RBM20: variants seen among roughly 807,000 people sequenced by gnomAD.
RBM20 encodes the protein RNA binding motif protein 20.
RBM20 carries 51 observed loss-of-function variants against 110.1 expected under a neutral mutation model. The ratio of observed to expected loss-of-function variants is 0.46; its 90% confidence interval spans 0.37 to 0.59. The LOEUF (loss-of-function observed/expected upper bound fraction) is 0.59. Among genes scored for constraint, RBM20 ranks in the 20% least tolerant of loss-of-function variants. The probability of loss-of-function intolerance (pLI) is 0.00; values close to 1 mark genes in which losing one functional copy is unlikely to be tolerated. For synonymous variants in RBM20, 589 were observed against 618.2 expected (o/e 0.95, Z 0.70); for missense variants, 1,512 against 1,574.9 (o/e 0.96, Z 0.68).
In RBM20 at chr10:110,668,607, G is replaced by GAA. The variant is rs11300793; in HGVS notation, c.191+23971_191+23972dup. On this transcript the variant is annotated intron_variant, in intron 1 of 13. Transcript: ENST00000369519. ...GGACAACAGGTGGAGGGAGGGAGAG[G>GAA]AAAAAAAAAACTGAACAAGTGTCGT... Among the ~76,000 whole-genome samples the GAA allele has an allele frequency of 2.7e-5, 4 of 150,354 alleles. No homozygotes were observed. The South Asian group carries it at 8.5e-4, about 32-fold the overall frequency.
intron 1 of RBM20, among the ~76,000 whole-genome samples, chr10:110,687,216 TA>T (rs992286081): frequency 4.5e-4 from 69 of 152,298 alleles, no homozygotes; most frequent in African/African-American, 1.6e-3. Flanking sequence ...AGTAAGATAC[TA>T]AAAGTATGTA....
At chr10:110,747,144 T>C (rs1041081234) in intron 1 of RBM20, among the ~76,000 whole-genome samples, 4 of 152,208 alleles carry the variant, frequency 2.6e-5, no homozygotes, top group Admixed American at 2.6e-4. Context: ...TCTGTACTAT[T>C]TTTGCAACTT....
chr10:110,757,410 A>C (rs746615367), intron 1 of RBM20, among the ~76,000 whole-genome samples: 51 of 152,324 alleles, frequency 3.3e-4, no homozygotes, highest in African/African-American at 9.4e-4. Context: ...TTGCCATTCA[A>C]ATTTTAATTG....
At chr10:110,764,166 G>C (rs150639365) in intron 1 of RBM20, among the ~76,000 whole-genome samples, 99 of 152,246 alleles carry the variant, frequency 6.5e-4, no homozygotes, top group African/African-American at 2.3e-3. Context: ...TGCTGGCTGG[G>C]AGTCAGTTTG....
chr10:110,812,179 T>G (rs1844775632), intron 8 of RBM20, 99 bp from the exon 9 acceptor site: 1 of 1,072,284 alleles, frequency 9.3e-7, no homozygotes, highest in South Asian at 1.6e-5. Context: ...CACAGTTACA[T>G]GCACAGTATA....
chr10:110,651,258 C>T (rs1861945855), intron 1 of RBM20, among the ~76,000 whole-genome samples: 1 of 152,162 alleles, frequency 6.6e-6, no homozygotes, highest in Non-Finnish European at 1.5e-5. Flanking sequence ...GACACAGGTA[C>T]ATATTTGTGA....
At chr10:110,672,070 A>G (rs1326409392) in intron 1 of RBM20, among the ~76,000 whole-genome samples, 2 of 149,714 alleles carry the variant, frequency 1.3e-5, no homozygotes, top group African/African-American at 2.4e-5. Flanking sequence ...TCTTCTTCCT[A>G]TCTTGTCCGA....
intron 5 of RBM20, among the ~76,000 whole-genome samples, chr10:110,791,100 A>C (rs1844477796): frequency 6.6e-6 from 1 of 152,224 alleles, no homozygotes; most frequent in Non-Finnish European, 1.5e-5. Flanking sequence ...CAATAAAGGC[A>C]ACTGTGTCTA....
intron 8 of RBM20, among the ~76,000 whole-genome samples, chr10:110,811,404 G>T (rs1298511404): frequency 6.6e-6 from 1 of 152,180 alleles, no homozygotes; most frequent in African/African-American, 2.4e-5. Flanking sequence ...ATATATGTGC[G>T]TATATCTTTG....
intron 1 of RBM20, among the ~76,000 whole-genome samples, chr10:110,721,357 A>C (rs1843502642): frequency 6.6e-6 from 1 of 152,104 alleles, no homozygotes; most frequent in Non-Finnish European, 1.5e-5. Context: ...GACTCTTTCT[A>C]ATGAGGGCCC....
At chr10:110,708,568 A>G (rs1056294289) in intron 1 of RBM20, among the ~76,000 whole-genome samples, 1 of 152,218 alleles carries the variant, frequency 6.6e-6, no homozygotes, top group Non-Finnish European at 1.5e-5. Flanking sequence ...CTAGATAAAA[A>G]CAGGTGAAAT....
intron 1 of RBM20, among the ~76,000 whole-genome samples, chr10:110,720,101 A>G (rs970714179): frequency 6.6e-6 from 1 of 152,156 alleles, no homozygotes; most frequent in African/African-American, 2.4e-5. Flanking sequence ...GCTCTGTCCT[A>G]GTGACCTAAT....
intron 1 of RBM20, among the ~76,000 whole-genome samples, chr10:110,647,702 C>G (rs543998937): frequency 6.6e-6 from 1 of 152,264 alleles, no homozygotes; most frequent in South Asian, 2.1e-4. Context: ...AAGGATTTAT[C>G]TCCTCCAACA....
chr10:110,826,320 AC>A (rs1458019222), intron 12 of RBM20, among the ~76,000 whole-genome samples: 1 of 152,180 alleles, frequency 6.6e-6, no homozygotes, highest in Non-Finnish European at 1.5e-5. Flanking sequence ...CTATAAATAT[AC>A]CTGTGAGACC....
intron 1 of RBM20, among the ~76,000 whole-genome samples, chr10:110,698,703 G>A (rs1199062137): frequency 6.6e-6 from 1 of 152,186 alleles, no homozygotes; most frequent in Non-Finnish European, 1.5e-5. Flanking sequence ...ACAGCCTAGG[G>A]TACCCCTCTC....
At chr10:110,797,331 GA>G (rs1844562957) in intron 5 of RBM20, among the ~76,000 whole-genome samples, 176 bp from the exon 6 acceptor site, 1 of 152,138 alleles carries the variant, frequency 6.6e-6, no homozygotes, top group African/African-American at 2.4e-5. Context: ...TTTGTAAAGA[GA>G]TAGAATAAAA....
At position 110,644,549 on chromosome 10, in the gene RBM20, C is replaced by G; in HGVS notation, c.95C>G (p.Ser32Cys). 1.5e-5 allele frequency: 23 copies of G among 1,526,668 alleles called. No homozygotes were observed. Among genetic ancestry groups the G allele is most frequent in the Non-Finnish European group, 2.0e-5 (23 of 1,140,436 alleles). 94.6% of individuals were successfully genotyped at this position (1,526,668 alleles called of 1,614,324 possible). Residue 32 changes from serine to cysteine, a missense_variant, in exon 1 of 14, where the codon TCC becomes TGC. Around this residue, in one of 3 missense-constraint regions of RBM20, gnomAD observed 1,149 missense variants for 1,169.4 expected, o/e 0.98. Transcript: ENST00000369519. The surrounding 1 kb of genome is among the most constrained non-coding windows in gnomAD (Gnocchi z 4.3). ...TGCAGTGTGCCTGGTGCCCGGGCGT[C>G]CCCGGCACCCTCCGGCCCGCGAGGG... is the stretch of plus-strand genomic sequence containing the variant. Reference protein sequence around the residue: ...VACSVPGARASPAPSGPRGMQ... With the variant: ...VACSVPGARACPAPSGPRGMQ...
chr10:110,783,713 A>G (rs1369186496), intron 3 of RBM20, among the ~76,000 whole-genome samples: 1 of 152,122 alleles, frequency 6.6e-6, no homozygotes, highest in Non-Finnish European at 1.5e-5. Flanking sequence ...TCTGGCTTTC[A>G]TTTTTTTCAT....
In RBM20 at chr10:110,835,916, G is replaced by A; in HGVS notation, c.3622G>A (p.Ala1208Thr). The A allele has an allele frequency of 2.0e-6, 3 of 1,532,638 alleles. No individual in the cohort carries two copies. Among genetic ancestry groups the A allele is most frequent in the Non-Finnish European group, 2.7e-6 (3 of 1,130,284 alleles). The allele number at this position is 1,532,638 out of a possible 1,614,324, so 94.9% of individuals were successfully genotyped here. A position where few individuals can be genotyped will look rare whatever the true frequency, so the allele number is the denominator to read the frequency against. The part of the protein sequence containing the change: ...AEEGLKETEG[A>T]DSPRPEDSGI... ...GGAGGGCCTCAAGGAGACCGAGGGG[G>A]CAGATAGCCCGAGGCCAGAGGACAG... Residue 1208 changes from alanine to threonine, a missense_variant, in exon 14 of 14, where the codon GCA becomes ACA. By Grantham distance (58) the Ala-to-Thr change is moderately conservative (BLOSUM62 0). Coordinates refer to ENST00000369519, the MANE Select transcript of RBM20 (RefSeq NM_001134363.3).
Sources: allele counts gnomAD v4.1 joint callset (sites outside exome capture counted in the v4.1 genomes callset), GRCh38; gene constraint gnomAD v4.1.1; regional missense constraint gnomAD v4.1.1; non-coding constraint Gnocchi (gnomAD v3.1); transcripts MANE v1.5; gene names NCBI Gene and HGNC (gene_info 2026-07-23, HGNC 2026-07-21).